SPOCK1: variants seen among roughly 807,000 people sequenced by gnomAD.
SPOCK1 encodes testican-1.
Under a neutral mutation model 55.3 loss-of-function variants are expected in SPOCK1, and 23 were observed. The observed-to-expected ratio is 0.42, with a 90% CI of 0.30 to 0.59. The LOEUF is 0.59. SPOCK1 is among the 20% of genes least tolerant of loss of function. SPOCK1 has a pLI of 0.22. For synonymous variants in SPOCK1, 226 were observed against 221.0 expected, an observed-to-expected ratio of 1.02 and a Z score of -0.20; for missense variants, 499 against 552.5, an observed-to-expected ratio of 0.90 and a Z score of 0.97.
intron 3 of SPOCK1, among the ~76,000 whole-genome samples, chr5:137,200,414 C>A (rs75455210): frequency 0.017 from 2,577 of 152,238 alleles, 75 homozygotes; most frequent in African/African-American, 0.059. Context: ...CACTTCCCTG[C>A]CTTACTTTTT....
intron 3 of SPOCK1, among the ~76,000 whole-genome samples, chr5:137,146,494 C>T (rs113921135): frequency 0.043 from 6,592 of 152,150 alleles, 481 homozygotes; most frequent in African/African-American, 0.15. Context: ...CCAAGGTTCA[C>T]GTGAAGAGCA....
intron 2 of SPOCK1, among the ~76,000 whole-genome samples, chr5:137,404,592 G>C (rs866326241): frequency 1.1e-5 from 1 of 93,720 alleles, no homozygotes; most frequent in Admixed American, 1.1e-4. Context: ...TTTTTTTTTT[G>C]TATTTTTAGT....
intron 2 of SPOCK1, among the ~76,000 whole-genome samples, chr5:137,395,978 T>C (rs1671733660): frequency 1.3e-5 from 2 of 152,206 alleles, no homozygotes; most frequent in Non-Finnish European, 2.9e-5. Context: ...CATTCGTAAC[T>C]CTGAATCTCT....
At chr5:137,222,316 G>C (rs1353622163) in intron 3 of SPOCK1, among the ~76,000 whole-genome samples, 2 of 152,164 alleles carry the variant, frequency 1.3e-5, no homozygotes, top group East Asian at 3.9e-4. Flanking sequence ...ACTCTCAGGG[G>C]CTCTGTCACC....
chr5:137,484,933 A>G (rs1180695251), intron 2 of SPOCK1, among the ~76,000 whole-genome samples: 4 of 152,198 alleles, frequency 2.6e-5, no homozygotes, highest in African/African-American at 9.7e-5. Context: ...AGACGCGCCA[A>G]ATCATATAAA....
intron 9 of SPOCK1, among the ~76,000 whole-genome samples, chr5:136,982,135 A>G (rs1410301456): frequency 6.6e-6 from 1 of 152,196 alleles, no homozygotes; most frequent in Non-Finnish European, 1.5e-5. Flanking sequence ...ACACAATGAC[A>G]AAGTCACCTA....
intron 3 of SPOCK1, among the ~76,000 whole-genome samples, chr5:137,183,614 G>A (rs972910109): frequency 6.6e-6 from 1 of 152,204 alleles, no homozygotes; most frequent in Non-Finnish European, 1.5e-5. Flanking sequence ...GTTTGGCACT[G>A]GTCTAGGGGT....
chr5:137,392,994 T>C (rs1307599442), intron 2 of SPOCK1, among the ~76,000 whole-genome samples: 3 of 152,166 alleles, frequency 2.0e-5, no homozygotes, highest in South Asian at 2.1e-4. Flanking sequence ...CCTCTGCTCA[T>C]AGAAAATGGG....
At chr5:137,407,286 G>A (rs557188735) in intron 2 of SPOCK1, among the ~76,000 whole-genome samples, 6 of 152,286 alleles carry the variant, frequency 3.9e-5, no homozygotes, top group South Asian at 4.1e-4. Context: ...ATGTGACAAC[G>A]CTGTGCTCTT....
chr5:137,236,868 A>G (rs1416260458), intron 3 of SPOCK1, among the ~76,000 whole-genome samples: 1 of 152,206 alleles, frequency 6.6e-6, no homozygotes, highest in Non-Finnish European at 1.5e-5. Flanking sequence ...TATAATGAAG[A>G]GCTCATTTCA....
intron 6 of SPOCK1, among the ~76,000 whole-genome samples, chr5:137,017,582 T>A (rs1421902328): frequency 6.6e-6 from 1 of 152,150 alleles, no homozygotes; most frequent in African/African-American, 2.4e-5. Context: ...AATAACACAA[T>A]GAATGTCTTA....
At position 137,420,430 on chromosome 5, in the gene SPOCK1, C is replaced by CT. The variant is rs1438998126; in HGVS notation, c.186+77942dup. Among the ~76,000 whole-genome samples, 5 of 151,864 alleles carry CT rather than the reference C, an allele frequency of 3.3e-5. No homozygotes were observed. The South Asian group carries it at 6.2e-4, about 19-fold the overall frequency. ...AGCTGTGAATCCATCTGGTCCTGGA[C>CT]TTTTTTTTGGTTGGTAAGCTATTAA... On this transcript the variant is annotated intron_variant, in intron 2 of 10. Transcript: ENST00000394945.
intron 3 of SPOCK1, among the ~76,000 whole-genome samples, chr5:137,249,593 A>G (rs1285807314): frequency 6.6e-6 from 1 of 152,252 alleles, no homozygotes; most frequent in Non-Finnish European, 1.5e-5. Context: ...AAGAATTATT[A>G]GAGATAAAAA....
At chr5:137,301,156 C>T (rs113149289) in intron 2 of SPOCK1, among the ~76,000 whole-genome samples, 2,831 of 152,236 alleles carry the variant, frequency 0.019, 89 homozygotes, top group African/African-American at 0.065. Context: ...TTGGAGCTCC[C>T]AGTAGGAATG....
chr5:137,282,189 GA>G (rs1757178813), intron 2 of SPOCK1, among the ~76,000 whole-genome samples: 1 of 152,322 alleles, frequency 6.6e-6, no homozygotes, highest in African/African-American at 2.4e-5. Context: ...GCCTTACGCT[GA>G]TAACAGAGTT....
intron 3 of SPOCK1, among the ~76,000 whole-genome samples, chr5:137,156,944 G>A (rs1228035882): frequency 3.3e-5 from 5 of 152,174 alleles, no homozygotes; most frequent in African/African-American, 1.2e-4. Flanking sequence ...GGTGTTAGCA[G>A]TAAGAAATTA....
Position 137,255,296 on chromosome 5 carries a change from C to T in SPOCK1, c.232+11714G>A, listed in dbSNP as rs77491769. ...CTGTATTTCTCCTGAATACCAGCCTCGTTTACACATCATGGGAACATAGTG... is the reference window on the plus strand; with the variant it reads ...CTGTATTTCTCCTGAATACCAGCCTTGTTTACACATCATGGGAACATAGTG... On this transcript the variant is annotated intron_variant, in intron 3 of 10. Coordinates refer to ENST00000394945, the MANE Select transcript of SPOCK1 (RefSeq NM_004598.4). Among the ~76,000 whole-genome samples the T allele has an allele frequency of 2.3e-3, 343 of 152,304 alleles. 10 individuals carry two copies. The East Asian group carries it at 0.055, about 25-fold the overall frequency.
chr5:137,400,013 A>G (rs1745235318), intron 2 of SPOCK1, among the ~76,000 whole-genome samples: 1 of 152,198 alleles, frequency 6.6e-6, no homozygotes, highest in African/African-American at 2.4e-5. Context: ...CAGAATTGCT[A>G]TTTAATCTCA....
At chr5:137,232,093 A>T (rs1174902719) in intron 3 of SPOCK1, among the ~76,000 whole-genome samples, 1 of 152,124 alleles carries the variant, frequency 6.6e-6, no homozygotes. Context: ...ACATATTCTC[A>T]ACACTTGCCA....
Sources: gnomAD v4.1 joint callset for allele counts (sites outside exome capture counted in the v4.1 genomes callset) on GRCh38, gnomAD v4.1.1 for gene constraint, MANE v1.5 for transcripts, NCBI Gene and HGNC (gene_info 2026-07-23, HGNC 2026-07-21) for gene names.